MGST1: variants seen among roughly 807,000 people sequenced by gnomAD.
MGST1 encodes the protein microsomal glutathione S-transferase 1.
A neutral mutation model predicts 8.9 loss-of-function variants in MGST1; 5 were observed. The ratio of observed to expected loss-of-function variants is 0.56; its 90% CI spans 0.29 to 1.19. The LOEUF is 1.19. MGST1 is among the 50% of genes most tolerant of loss of function. MGST1 has a pLI of 0.08. For synonymous variants in MGST1, 54 were observed against 67.8 expected (o/e 0.80, Z 1.00); for missense variants, 182 against 187.4 (o/e 0.97, Z 0.17).
rs1418141891 is a variant in MGST1, at chr12:16,497,706, A to G, written n.483-91822A>G. ...CAATTTTCTCTGCTTCCTTACCTAT[A>G]ACCATTTTTCACCTGTTAATCGTTC... On this transcript the variant is annotated intron_variant and non_coding_transcript_variant, in intron 4 of 4. Transcript: ENST00000538857. This position sits in a 1 kb window ranked among gnomAD's most constrained non-coding sequence, Gnocchi z 4.4. 6.6e-6 allele frequency among the ~76,000 whole-genome samples: 1 copy of G among 152,096 alleles called. No individual in the cohort carries two copies. The highest frequency in any genetic ancestry group is 1.5e-5 in the Non-Finnish European group (1 of 68,006).
At chr12:16,541,738 G>A (rs773895047) in intron 4 of MGST1, among the ~76,000 whole-genome samples, 5 of 152,046 alleles carry the variant, frequency 3.3e-5, no homozygotes, top group Admixed American at 1.3e-4. Context: ...GAGAAGTGAC[G>A]ACATCATACT....
intron 1 of MGST1, among the ~76,000 whole-genome samples, chr12:16,430,222 C>T (rs550176756): frequency 5.9e-5 from 9 of 152,238 alleles, no homozygotes; most frequent in African/African-American, 1.4e-4. Context: ...TCAAATCTGT[C>T]GTTGCCTCCT....
intron 4 of MGST1, among the ~76,000 whole-genome samples, chr12:16,579,509 G>C (rs1199365784): frequency 6.6e-6 from 1 of 152,168 alleles, no homozygotes; most frequent in East Asian, 1.9e-4. Context: ...TAAGTGAATA[G>C]TTCCCTTGCT....
intron 4 of MGST1, among the ~76,000 whole-genome samples, chr12:16,552,890 A>G (rs948708581): frequency 2.0e-5 from 3 of 152,120 alleles, no homozygotes; most frequent in African/African-American, 7.2e-5. Flanking sequence ...TTATCAAATG[A>G]AAAGTGTCTG....
chr12:16,577,329 C>G (rs1195961463), intron 4 of MGST1, among the ~76,000 whole-genome samples: 1 of 152,174 alleles, frequency 6.6e-6, no homozygotes, highest in Non-Finnish European at 1.5e-5. Context: ...AGGACCATCT[C>G]TTATCACAAT....
At chr12:16,395,804 T>TATAC (rs1338860243) in intron 1 of MGST1, among the ~76,000 whole-genome samples, 22 of 123,740 alleles carry the variant, frequency 1.8e-4, no homozygotes, top group South Asian at 5.0e-4. Flanking sequence ...TATATATATA[T>TATAC]ACACACACAC....
chr12:16,400,482 G>A, intron 1 of MGST1: 1 of 800,344 alleles, frequency 1.2e-6, no homozygotes, highest in Non-Finnish European at 2.3e-6. Flanking sequence ...TCACCAGTGA[G>A]TCTTGTTTTA....
intron 1 of MGST1, among the ~76,000 whole-genome samples, chr12:16,397,908 A>T (rs999806647): frequency 6.6e-6 from 1 of 150,926 alleles, no homozygotes; most frequent in Non-Finnish European, 1.5e-5. Flanking sequence ...AGTTCCAAAC[A>T]TACACACTCA....
At chr12:16,434,256 C>G (rs898303909) in intron 1 of MGST1, among the ~76,000 whole-genome samples, 4 of 152,058 alleles carry the variant, frequency 2.6e-5, no homozygotes, top group Admixed American at 6.6e-5. Flanking sequence ...TTGTGAAACA[C>G]TATGCAAATG....
chr12:16,351,958 A>G (rs551468292), intron 1 of MGST1, among the ~76,000 whole-genome samples: 3 of 152,236 alleles, frequency 2.0e-5, no homozygotes, highest in Non-Finnish European at 2.9e-5. Flanking sequence ...TGTGCCAGCC[A>G]CAGAGTAGGC....
At chr12:16,435,469 A>G (rs1940976548) in intron 1 of MGST1, among the ~76,000 whole-genome samples, 1 of 151,964 alleles carries the variant, frequency 6.6e-6, no homozygotes, top group Non-Finnish European at 1.5e-5. Flanking sequence ...TGGCTGAAAC[A>G]TATATCATTT....
At chr12:16,347,365 T>G (rs1341565402), upstream of MGST1, among the ~76,000 whole-genome samples, 3 of 152,346 alleles carry the variant, frequency 2.0e-5, no homozygotes, top group East Asian at 3.9e-4. This position sits in a 1 kb window ranked among gnomAD's most constrained non-coding sequence, Gnocchi z 4.0. Context: ...AAAACTCTGC[T>G]GATCCTGAAA....
chr12:16,352,631 A>T (rs915812456), intron 1 of MGST1, among the ~76,000 whole-genome samples: 1 of 152,232 alleles, frequency 6.6e-6, no homozygotes, highest in African/African-American at 2.4e-5. Flanking sequence ...CTTCAGTATC[A>T]CCAGTGTGTC....
At chr12:16,430,431 C>A (rs1052858263) in intron 1 of MGST1, among the ~76,000 whole-genome samples, 2 of 152,146 alleles carry the variant, frequency 1.3e-5, no homozygotes, top group African/African-American at 4.8e-5. Context: ...ACTATTGCAG[C>A]CATAGCCTCA....
chr12:16,551,047 A>G, intron 4 of MGST1: 1 of 529,964 alleles, frequency 1.9e-6, no homozygotes, highest in Non-Finnish European at 3.4e-6. Flanking sequence ...TCAACTCTGA[A>G]CTGGGGCAAT....
chr12:16,587,413 C>T lies in MGST1; in HGVS notation n.483-2115C>T, dbSNP rs1943354137. On this transcript the variant is annotated intron_variant and non_coding_transcript_variant, in intron 4 of 4. Coordinates refer to the MGST1 transcript ENST00000538857. This position sits in a 1 kb window ranked among gnomAD's most constrained non-coding sequence, Gnocchi z 4.3. ...GCAATAAAATCTTATTGAACTGTTG[C>T]TTTCATTAATTTTCTACAGACTAGA... is the stretch of plus-strand genomic sequence containing the variant. Among the ~76,000 whole-genome samples, 1 of 152,052 alleles carries T rather than the reference C, an allele frequency of 6.6e-6. No homozygotes were observed. The highest frequency in any genetic ancestry group is 1.5e-5 in the Non-Finnish European group (1 of 67,992).
intron 4 of MGST1, among the ~76,000 whole-genome samples, chr12:16,505,148 G>A (rs1591747032): frequency 1.3e-5 from 2 of 151,900 alleles, no homozygotes; most frequent in East Asian, 1.9e-4. Flanking sequence ...CAACTATTTT[G>A]TGGATAACTC....
intron 1 of MGST1, among the ~76,000 whole-genome samples, chr12:16,429,227 T>A (rs1237686682): frequency 1.3e-5 from 2 of 152,148 alleles, no homozygotes; most frequent in Non-Finnish European, 2.9e-5. Flanking sequence ...TATTGCACAT[T>A]TACATAAATC....
chr12:16,589,830 G>A (rs1269005575), downstream of MGST1, among the ~76,000 whole-genome samples: 2 of 152,062 alleles, frequency 1.3e-5, no homozygotes, highest in Non-Finnish European at 1.5e-5. This position sits in a 1 kb window ranked among gnomAD's most constrained non-coding sequence, Gnocchi z 4.2. Flanking sequence ...GGGACTGTTA[G>A]AAATTGTAAC....
Sources: gnomAD v4.1 joint callset for allele counts (sites outside exome capture counted in the v4.1 genomes callset) on GRCh38, gnomAD v4.1.1 for gene constraint, Gnocchi (gnomAD v3.1) non-coding constraint, MANE v1.5 for transcripts, NCBI Gene and HGNC (gene_info 2026-07-23, HGNC 2026-07-21) for gene names.